ZNF618: variants seen among roughly 807,000 people sequenced by gnomAD.
ZNF618 encodes the protein neural precursor cell expressed, developmentally down-regulated 10.
ZNF618 carries 34 observed loss-of-function variants against 103.0 expected under a neutral mutation model. That is an observed-to-expected ratio of 0.33 (90% confidence interval 0.25 to 0.44). ZNF618 has a LOEUF of 0.44. Ranked by LOEUF, ZNF618 falls within the 20% of genes least tolerant of loss-of-function variation. The probability of loss-of-function intolerance (pLI) is 1.00; values close to 1 mark genes in which losing one functional copy is unlikely to be tolerated. For synonymous variants in ZNF618, 551 were observed against 542.2 expected, an observed-to-expected ratio of 1.02 and a Z score of -0.23; for missense variants, 1,059 against 1,295.4, an observed-to-expected ratio of 0.82 and a Z score of 2.80.
intron 2 of ZNF618, among the ~76,000 whole-genome samples, chr9:113,986,769 T>G (rs1255175751): frequency 6.6e-6 from 1 of 152,190 alleles, no homozygotes; most frequent in Non-Finnish European, 1.5e-5. Flanking sequence ...TCCTCTGTCC[T>G]CTCCTCATTA....
chr9:113,958,965 CTT>C (rs979487915), intron 1 of ZNF618, among the ~76,000 whole-genome samples: 12 of 152,198 alleles, frequency 7.9e-5, no homozygotes, highest in African/African-American at 1.7e-4. Flanking sequence ...CTGAGAAACT[CTT>C]TTGTAAATGT....
chr9:114,044,094 T>G (rs542350769), intron 13 of ZNF618, among the ~76,000 whole-genome samples: 6 of 152,280 alleles, frequency 3.9e-5, no homozygotes, highest in Admixed American at 6.5e-5. Context: ...TTTGCTTTGG[T>G]GTTCTTGGTC....
intron 1 of ZNF618, among the ~76,000 whole-genome samples, chr9:113,889,729 A>G (rs934468764): frequency 4.6e-5 from 7 of 152,036 alleles, no homozygotes; most frequent in African/African-American, 1.7e-4. Context: ...CTTTCCATGC[A>G]TCTCTCTCTC....
intron 7 of ZNF618, among the ~76,000 whole-genome samples, chr9:114,008,004 C>G (rs1267630589): frequency 6.6e-6 from 1 of 152,192 alleles, no homozygotes; most frequent in Non-Finnish European, 1.5e-5. Context: ...CTTTCTCTCT[C>G]CTCCCAATCT....
intron 2 of ZNF618, among the ~76,000 whole-genome samples, chr9:113,969,610 A>G (rs761467646): frequency 6.6e-6 from 1 of 152,112 alleles, no homozygotes; most frequent in Non-Finnish European, 1.5e-5. Context: ...CAGGGTGGAG[A>G]GGGGGCGGCC....
chr9:113,987,273 G>T (rs1356053716), intron 2 of ZNF618, among the ~76,000 whole-genome samples: 1 of 152,188 alleles, frequency 6.6e-6, no homozygotes, highest in Non-Finnish European at 1.5e-5. Context: ...GATGCTTCAG[G>T]AGTGGATGGC....
At chr9:113,933,240 G>A (rs140336422) in intron 1 of ZNF618, among the ~76,000 whole-genome samples, 266 of 152,328 alleles carry the variant, frequency 1.7e-3, no homozygotes, top group African/African-American at 6.2e-3. Context: ...GCCAGTCAGC[G>A]TAGGTGCATT....
At chr9:113,973,286 C>A (rs753713353) in intron 2 of ZNF618, among the ~76,000 whole-genome samples, 1 of 152,130 alleles carries the variant, frequency 6.6e-6, no homozygotes, top group Non-Finnish European at 1.5e-5. Context: ...TTGAAGGACC[C>A]CCAGCCCTCC....
chr9:113,896,034 A>C (rs1031591942), intron 1 of ZNF618, among the ~76,000 whole-genome samples: 4 of 148,184 alleles, frequency 2.7e-5, no homozygotes, highest in African/African-American at 1.0e-4. Context: ...TATTTCCTAA[A>C]CTGATTTTTT....
chr9:114,039,650 A>G (rs1318043171), intron 13 of ZNF618, among the ~76,000 whole-genome samples: 1 of 152,210 alleles, frequency 6.6e-6, no homozygotes, highest in East Asian at 1.9e-4. Flanking sequence ...CATGCCTAGC[A>G]CCACACCTGG....
intron 1 of ZNF618, among the ~76,000 whole-genome samples, chr9:113,932,323 T>G (rs1246770238): frequency 6.6e-6 from 1 of 151,926 alleles, no homozygotes; most frequent in African/African-American, 2.4e-5. Flanking sequence ...AGTGGCTAGA[T>G]GGAGATGAGG....
intron 13 of ZNF618, among the ~76,000 whole-genome samples, chr9:114,039,484 G>A (rs984624564): frequency 2.0e-5 from 3 of 152,068 alleles, no homozygotes; most frequent in Admixed American, 2.0e-4. Context: ...CCTAGTAGCT[G>A]GGATTACAGG....
intron 1 of ZNF618, among the ~76,000 whole-genome samples, chr9:113,935,299 CGGGTT>C (rs1396793816): frequency 1.3e-5 from 2 of 152,162 alleles, no homozygotes; most frequent in Admixed American, 1.3e-4. Context: ...CCAGCTGCAG[CGGGTT>C]CACTAAGAGG....
rs1846038935 is a variant in ZNF618, at chr9:114,050,321, T to C, written c.*154T>C. 1.2e-6 allele frequency: 1 copy of C among 822,348 alleles called. No individual in the cohort carries two copies. The highest frequency in any genetic ancestry group is 1.9e-5 in the South Asian group (1 of 52,824). The allele number at this position is 822,348 out of a possible 1,614,324, so 50.9% of individuals were successfully genotyped here. A position where few individuals can be genotyped will look rare whatever the true frequency, so the allele number is the denominator to read the frequency against. On this transcript the variant is annotated 3_prime_UTR_variant, in exon 15 of 15. Transcript: ENST00000374126. ...AACTTAAGTGCTTTTTTTATATGTG[T>C]GTGTGTGCGTGTATGTACACAGCCA...
chr9:114,022,867 C>A (rs1175861950), intron 10 of ZNF618, among the ~76,000 whole-genome samples: 1 of 151,912 alleles, frequency 6.6e-6, no homozygotes, highest in Non-Finnish European at 1.5e-5. Flanking sequence ...ATGAATTGAC[C>A]CTTTATAAAG....
In ZNF618 at chr9:113,876,421, G is replaced by T. The variant is rs971501044; in HGVS notation, c.33+8G>T. The T allele has an allele frequency of 1.2e-4, 139 of 1,200,932 alleles. No homozygotes were observed. The highest frequency in any genetic ancestry group is 2.7e-4 in the Admixed American group (6 of 22,570). 74.4% of individuals were successfully genotyped at this position (1,200,932 alleles called of 1,614,324 possible). On this transcript the variant is annotated splice_region_variant and intron_variant, in intron 1 of 14. Coordinates refer to ENST00000374126, the MANE Select transcript of ZNF618 (RefSeq NM_001318042.2). Reference sequence around the variant, plus strand: ...GGCGCGGCGGCTCCGCAGGTACGACGGGGGGCCGGGGGCATGCACCGCGCG... The same window carrying T: ...GGCGCGGCGGCTCCGCAGGTACGACTGGGGGCCGGGGGCATGCACCGCGCG...
chr9:113,992,784 G>A (rs996420522), intron 3 of ZNF618, among the ~76,000 whole-genome samples: 1 of 152,186 alleles, frequency 6.6e-6, no homozygotes, highest in African/African-American at 2.4e-5. Flanking sequence ...GGGGGAGCCC[G>A]GGTCATGGAC....
intron 1 of ZNF618, among the ~76,000 whole-genome samples, chr9:113,957,805 CT>C (rs34031250): frequency 2.8e-3 from 405 of 145,118 alleles, no homozygotes; most frequent in South Asian, 5.9e-3. Flanking sequence ...CAAAAGTTTC[CT>C]TTTTTTTTTT....
chr9:113,939,051 T>C (rs1208818554), intron 1 of ZNF618, among the ~76,000 whole-genome samples: 1 of 152,160 alleles, frequency 6.6e-6, no homozygotes, highest in Non-Finnish European at 1.5e-5. Context: ...TGTTGGTTTG[T>C]TCCCTCCCAA....
Sources: allele counts gnomAD v4.1 joint callset (sites outside exome capture counted in the v4.1 genomes callset), GRCh38; gene constraint gnomAD v4.1.1; transcripts MANE v1.5; gene names NCBI Gene and HGNC (gene_info 2026-07-23, HGNC 2026-07-21).